Variants in DPY19L4 observed in about 807,000 individuals in gnomAD.
The protein encoded by DPY19L4 is dpy-19 like 4.
A neutral mutation model predicts 102.8 loss-of-function variants in DPY19L4; 97 were observed. The observed-to-expected ratio is 0.94, with a 90% CI of 0.80 to 1.12. The LOEUF is 1.12. DPY19L4 is among the 50% of genes most tolerant of loss of function. The pLI is 0.00. For missense variants in DPY19L4, 815 were observed against 850.4 expected (o/e 0.96, Z 0.52); for synonymous variants, 252 against 283.1 (o/e 0.89, Z 1.10).
chr8:94,780,331 T>C (rs771326733), intron 14 of DPY19L4, 28 bp from the exon 15 acceptor site: 1 of 1,439,096 alleles, frequency 6.9e-7, no homozygotes, highest in South Asian at 1.7e-5. Flanking sequence ...TGTATTTATT[T>C]GTAATCCTTT....
intron 7 of DPY19L4, 59 bp downstream of exon 7, chr8:94,756,218 A>G: frequency 1.3e-6 from 2 of 1,572,558 alleles, no homozygotes; most frequent in Non-Finnish European, 1.7e-6. Flanking sequence ...CAAATGTGGC[A>G]CATAATAGCA....
rs535880903 is a variant in DPY19L4 at position 94,746,882 on chromosome 8, T to G, written c.611+7092T>G. Reference sequence around the variant, plus strand: ...GGTTCATTCGTTTCTTTTCTTGCTTTCTTTCTTTCTTTTTCTTTCTTTCTT... The same window carrying G: ...GGTTCATTCGTTTCTTTTCTTGCTTGCTTTCTTTCTTTTTCTTTCTTTCTT... On this transcript the variant is annotated intron_variant, in intron 6 of 18. Transcript: ENST00000414645. 9.2e-5 allele frequency among the ~76,000 whole-genome samples: 14 copies of G among 152,230 alleles called. 1 individual carries two copies. The highest frequency in any genetic ancestry group is 3.9e-4 in the East Asian group (2 of 5,188).
chr8:94,769,805 A>G (rs991532763), intron 12 of DPY19L4, among the ~76,000 whole-genome samples: 1 of 151,914 alleles, frequency 6.6e-6, no homozygotes, highest in African/African-American at 2.4e-5. Context: ...TCAAATTATC[A>G]TTTAACTATA....
chr8:94,788,061 C>A lies in DPY19L4; in HGVS notation c.2007+9C>A. On this transcript the variant is annotated intron_variant, in intron 18 of 18. Transcript: ENST00000414645. Reference sequence around the variant, plus strand: ...ACATTGCAAATGGCCACGTAAGTAACCATTTGGAAAGTTATATATATGTAT... The same window carrying A: ...ACATTGCAAATGGCCACGTAAGTAAACATTTGGAAAGTTATATATATGTAT... 6 of 1,407,588 alleles carry A rather than the reference C, an allele frequency of 4.3e-6. No homozygotes were observed. Among genetic ancestry groups the A allele is most frequent in the Non-Finnish European group, 5.6e-6 (6 of 1,077,878 alleles). The allele number at this position is 1,407,588 out of a possible 1,614,324, so 87.2% of individuals were successfully genotyped here.
chr8:94,777,725 C>T lies in DPY19L4; in HGVS notation c.1514C>T (p.Pro505Leu). 2.5e-6 allele frequency: 4 copies of T among 1,613,924 alleles called. No homozygotes were observed. The highest frequency in any genetic ancestry group is 3.4e-6 in the Non-Finnish European group (4 of 1,179,964). ...TTAGCAGCATTTGGTGTATGTTCTC[C>T]CGAACTTTGGATGACACTTTTCAAG... ...CMLAAFGVCS[P>L]ELWMTLFKWL... The change falls in exon 14 of 19, where the codon CCC (proline) becomes CTC (leucine). Residue 505 changes from proline to leucine, a missense_variant. Physicochemically the swap from Pro to Leu is moderately conservative, Grantham distance 98. Transcript: ENST00000414645.
intron 6 of DPY19L4, among the ~76,000 whole-genome samples, chr8:94,753,078 C>T (rs1319689456): frequency 1.3e-5 from 2 of 149,982 alleles, no homozygotes; most frequent in Admixed American, 6.6e-5. Flanking sequence ...TTTTCCTTAT[C>T]GTACTGTACT....
At position 94,791,251 on chromosome 8, in the gene DPY19L4, T is replaced by C. The variant is rs530695731; in HGVS notation, c.*1341T>C. ...TCTCCATTGTCTTTATTTTCTGTTA[T>C]ATATGTGTTGTAAAAGTACACTACA... On this transcript the variant is annotated 3_prime_UTR_variant, in exon 19 of 19. Transcript: ENST00000414645. 6.6e-6 allele frequency: 1 copy of C among 152,302 alleles called. No individual in the cohort carries two copies. Among genetic ancestry groups the C allele is most frequent in the East Asian group, 1.9e-4 (1 of 5,198 alleles). 9.4% of individuals were successfully genotyped at this position (152,302 alleles called of 1,614,324 possible). A position where few individuals can be genotyped will look rare whatever the true frequency, so the allele number is the denominator to read the frequency against.
At chr8:94,764,689 G>GTGTGTGTGTGTGTATATATATATATA in intron 8 of DPY19L4, among the ~76,000 whole-genome samples, 1 of 43,212 alleles carries the variant, frequency 2.3e-5, no homozygotes, top group South Asian at 9.2e-4. Context: ...GTCTGTGTGT[G>GTGTGTGTGTGTGTATATATATATATA]TATATATATA....
chr8:94,787,203 A>C (rs1045259140), intron 17 of DPY19L4, among the ~76,000 whole-genome samples: 1 of 152,112 alleles, frequency 6.6e-6, no homozygotes, highest in African/African-American at 2.4e-5. Flanking sequence ...TTAATGCCCC[A>C]ATAGTATGTT....
intron 13 of DPY19L4, among the ~76,000 whole-genome samples, chr8:94,772,806 C>A (rs930512974): frequency 6.6e-6 from 1 of 152,232 alleles, no homozygotes; most frequent in African/African-American, 2.4e-5. Flanking sequence ...ATGCTCTTAT[C>A]AGGCAAGAGG....
At chr8:94,737,904 G>A (rs560069517) in intron 3 of DPY19L4, among the ~76,000 whole-genome samples, 2 of 152,300 alleles carry the variant, frequency 1.3e-5, no homozygotes, top group South Asian at 4.2e-4. Context: ...CCATGTGCCT[G>A]TAGTCCTAGC....
intron 6 of DPY19L4, among the ~76,000 whole-genome samples, chr8:94,749,485 C>A (rs892052748): frequency 1.3e-5 from 2 of 152,188 alleles, no homozygotes; most frequent in Non-Finnish European, 2.9e-5. Flanking sequence ...CCTGATGCAA[C>A]CCCCTAGAGC....
At chr8:94,735,887 A>T (rs544197286) in intron 3 of DPY19L4, among the ~76,000 whole-genome samples, 1 of 152,302 alleles carries the variant, frequency 6.6e-6, no homozygotes, top group Non-Finnish European at 1.5e-5. Flanking sequence ...TCTTAGAAAC[A>T]AGTATTTGCA....
intron 10 of DPY19L4, 138 bp downstream of exon 10, chr8:94,765,947 T>C: frequency 1.8e-6 from 1 of 543,832 alleles, no homozygotes; most frequent in South Asian, 2.5e-5. Context: ...CAATCATAAC[T>C]AGCATACTGG....
At chr8:94,749,863 T>C (rs544536021) in intron 6 of DPY19L4, among the ~76,000 whole-genome samples, 1 of 152,252 alleles carries the variant, frequency 6.6e-6, no homozygotes, top group African/African-American at 2.4e-5. Flanking sequence ...GGAAAATAAA[T>C]CCTTATTGCA....
rs1052898084 is a variant in DPY19L4 at position 94,793,120 on chromosome 8, A to T, written c.*3210A>T. 6.6e-6 allele frequency: 1 copy of T among 151,912 alleles called. No homozygotes were observed. Among genetic ancestry groups the T allele is most frequent in the African/African-American group, 2.4e-5 (1 of 41,342 alleles). 9.4% of individuals were successfully genotyped at this position (151,912 alleles called of 1,614,324 possible). On this transcript the variant is annotated 3_prime_UTR_variant, in exon 19 of 19. Coordinates refer to ENST00000414645, the MANE Select transcript of DPY19L4 (RefSeq NM_181787.3). Reference sequence around the variant, plus strand: ...TACTTTCTGTGTATATAGGCAGCATATTTTTTTTGTAGAACATTAACCCAG... The same window carrying T: ...TACTTTCTGTGTATATAGGCAGCATTTTTTTTTTGTAGAACATTAACCCAG...
At chr8:94,722,382 G>C (rs1275066283) in intron 1 of DPY19L4, among the ~76,000 whole-genome samples, 1 of 152,170 alleles carries the variant, frequency 6.6e-6, no homozygotes, top group African/African-American at 2.4e-5. Context: ...ACTCCAGCCT[G>C]GGTGACAGAG....
At chr8:94,781,195 T>C in intron 16 of DPY19L4, 29 bp downstream of exon 16, 1 of 1,494,430 alleles carries the variant, frequency 6.7e-7, no homozygotes, top group Non-Finnish European at 9.0e-7. Flanking sequence ...AAGACTATTA[T>C]TAAGCTATTA....
At chr8:94,770,831 A>T (rs1359541604) in intron 13 of DPY19L4, among the ~76,000 whole-genome samples, 1 of 151,988 alleles carries the variant, frequency 6.6e-6, no homozygotes, top group African/African-American at 2.4e-5. Flanking sequence ...TAGAAGTTGC[A>T]ATGAGCCGAG....
Sources: allele counts gnomAD v4.1 joint callset (sites outside exome capture counted in the v4.1 genomes callset), GRCh38; gene constraint gnomAD v4.1.1; transcripts MANE v1.5; gene names NCBI Gene and HGNC (gene_info 2026-07-23, HGNC 2026-07-21).